CSMD1: variants seen among roughly 807,000 people sequenced by gnomAD.
CSMD1 encodes the protein CUB and sushi domain-containing protein 1.
CSMD1 carries 213 observed loss-of-function variants against 417.5 expected under a neutral mutation model. The observed-to-expected ratio is 0.51, with a 90% CI of 0.46 to 0.57. CSMD1 has a LOEUF of 0.57. Ranked by LOEUF, CSMD1 falls within the 20% of genes least tolerant of loss-of-function variation. The probability of loss-of-function intolerance (pLI) is 0.00; values close to 1 mark genes in which losing one functional copy is unlikely to be tolerated. For synonymous variants in CSMD1, 2,862 were observed against 1,736.8 expected, an observed-to-expected ratio of 1.65 and a Z score of -16.11; for missense variants, 6,923 against 4,529.7, an observed-to-expected ratio of 1.53 and a Z score of -15.17.
At chr8:4,034,529 T>C (rs1247814133) in intron 3 of CSMD1, among the ~76,000 whole-genome samples, 1 of 152,188 alleles carries the variant, frequency 6.6e-6, no homozygotes, top group Non-Finnish European at 1.5e-5. Context: ...AAAAGTGACA[T>C]TTATAAGGAA....
chr8:4,481,692 G>C (rs1007977615), intron 2 of CSMD1, among the ~76,000 whole-genome samples: 1 of 152,164 alleles, frequency 6.6e-6, no homozygotes, highest in Non-Finnish European at 1.5e-5. Context: ...TCAGGACTCA[G>C]TCTATTTGGT....
At chr8:3,995,606 G>C (rs1431882919) in intron 5 of CSMD1, among the ~76,000 whole-genome samples, 2 of 152,168 alleles carry the variant, frequency 1.3e-5, no homozygotes, top group Non-Finnish European at 2.9e-5. Context: ...GCTCTGCCAA[G>C]GGCTCCATCA....
intron 5 of CSMD1, among the ~76,000 whole-genome samples, chr8:3,901,206 G>A (rs1807727616): frequency 6.6e-6 from 1 of 152,076 alleles, no homozygotes; most frequent in Non-Finnish European, 1.5e-5. Context: ...ATTCTTCCTG[G>A]CCAATAGTAT....
intron 3 of CSMD1, among the ~76,000 whole-genome samples, chr8:4,254,397 C>T (rs191971614): frequency 5.3e-5 from 8 of 152,274 alleles, no homozygotes; most frequent in Middle Eastern, 3.4e-3. Context: ...CAGTCAACAA[C>T]GAATGCCACA....
At chr8:4,008,306 T>C (rs1006135572) in intron 4 of CSMD1, among the ~76,000 whole-genome samples, 17 of 152,092 alleles carry the variant, frequency 1.1e-4, no homozygotes, top group Admixed American at 9.8e-4. Context: ...AGTTATTCTG[T>C]TCAATTTTTA....
At chr8:3,948,436 T>C (rs139850781) in intron 5 of CSMD1, among the ~76,000 whole-genome samples, 1 of 152,146 alleles carries the variant, frequency 6.6e-6, no homozygotes, top group Non-Finnish European at 1.5e-5. Context: ...CGTTAGGTTT[T>C]GTGACACACT....
intron 18 of CSMD1, among the ~76,000 whole-genome samples, chr8:3,385,095 T>C (rs1190684325): frequency 1.2e-5 from 1 of 83,016 alleles, no homozygotes; most frequent in Admixed American, 2.0e-4. Flanking sequence ...ATATATAAAA[T>C]ATATATATAA....
chr8:2,948,704 C>A (rs1219987321), intron 68 of CSMD1, among the ~76,000 whole-genome samples: 1 of 152,046 alleles, frequency 6.6e-6, no homozygotes, highest in Non-Finnish European at 1.5e-5. Context: ...CCTGAATATG[C>A]AGAAAACAAT....
intron 7 of CSMD1, among the ~76,000 whole-genome samples, chr8:3,701,510 T>TAA (rs142780821): frequency 4.2e-5 from 1 of 23,796 alleles, no homozygotes; most frequent in Non-Finnish European, 1.1e-4. Flanking sequence ...GATTAAACCT[T>TAA]ATTTTTTTTT....
At chr8:3,782,965 G>T (rs369673354) in intron 5 of CSMD1, among the ~76,000 whole-genome samples, 1 of 152,244 alleles carries the variant, frequency 6.6e-6, no homozygotes, top group African/African-American at 2.4e-5. Context: ...CAAATTGTAG[G>T]TACAGGATTG....
intron 3 of CSMD1, among the ~76,000 whole-genome samples, chr8:4,191,443 A>G (rs975753688): frequency 1.3e-5 from 2 of 152,062 alleles, no homozygotes; most frequent in African/African-American, 2.4e-5. Flanking sequence ...CACAAAAAAC[A>G]AACTAAAAAA....
At chr8:3,822,113 G>T (rs1000659195) in intron 5 of CSMD1, among the ~76,000 whole-genome samples, 1 of 151,272 alleles carries the variant, frequency 6.6e-6, no homozygotes, top group Non-Finnish European at 1.5e-5. Context: ...GATTTTTCTG[G>T]ACAATTTTTT....
chr8:4,094,147 G>A (rs901574828), intron 3 of CSMD1, among the ~76,000 whole-genome samples: 1 of 152,076 alleles, frequency 6.6e-6, no homozygotes, highest in Non-Finnish European at 1.5e-5. Flanking sequence ...GGGGATGAGG[G>A]GACACAGCCG....
intron 12 of CSMD1, among the ~76,000 whole-genome samples, chr8:3,467,003 T>C (rs931348591): frequency 6.6e-6 from 1 of 152,200 alleles, no homozygotes; most frequent in South Asian, 2.1e-4. Context: ...TGACATTGAA[T>C]TGGCCATCTC....
Position 2,941,348 on chromosome 8 carries a change from G to A in CSMD1, c.10535+1124C>T, listed in dbSNP as rs189813257. Among the ~76,000 whole-genome samples, 126 of 152,294 alleles carry A rather than the reference G, an allele frequency of 8.3e-4. 2 individuals are homozygous for A. Among genetic ancestry groups the A allele is most frequent in the Admixed American group, 2.1e-3 (32 of 15,292 alleles). On this transcript the variant is annotated intron_variant, in intron 69 of 69. Coordinates refer to ENST00000635120, the MANE Select transcript of CSMD1 (RefSeq NM_033225.6). ...ATGAGTTTTGAAAAAATAATATCATGACAGTTTTTCTGTTTTAACCAGAAT... is the reference window on the plus strand; with the variant it reads ...ATGAGTTTTGAAAAAATAATATCATAACAGTTTTTCTGTTTTAACCAGAAT...
chr8:3,298,904 G>T (rs552951684), intron 25 of CSMD1, among the ~76,000 whole-genome samples: 1 of 152,110 alleles, frequency 6.6e-6, no homozygotes, highest in Non-Finnish European at 1.5e-5. Flanking sequence ...TGGTTACATG[G>T]GGGTGTTTCT....
chr8:4,200,649 A>G (rs1413649719), intron 3 of CSMD1, among the ~76,000 whole-genome samples: 2 of 152,174 alleles, frequency 1.3e-5, no homozygotes, highest in African/African-American at 4.8e-5. Context: ...TGAGACTAAG[A>G]GTTCAAGACC....
chr8:3,819,655 C>T (rs1052113238), intron 5 of CSMD1, among the ~76,000 whole-genome samples: 2 of 152,124 alleles, frequency 1.3e-5, no homozygotes, highest in African/African-American at 2.4e-5. Context: ...GCAATCATGA[C>T]TCACTGCGGC....
At chr8:4,392,197 C>G (rs560411744) in intron 3 of CSMD1, among the ~76,000 whole-genome samples, 1 of 152,230 alleles carries the variant, frequency 6.6e-6, no homozygotes, top group East Asian at 1.9e-4. Flanking sequence ...CTTGAGGTTG[C>G]TTTTTACACA....
Sources: gnomAD v4.1 joint callset for allele counts (sites outside exome capture counted in the v4.1 genomes callset) on GRCh38, gnomAD v4.1.1 for gene constraint, MANE v1.5 for transcripts, NCBI Gene and HGNC (gene_info 2026-07-23, HGNC 2026-07-21) for gene names.